The following UNC13A variants were observed in gnomAD, a reference collection of about 807,000 sequenced individuals.
UNC13A encodes unc-13 homolog A, also known as protein unc-13 homolog A.
In UNC13A, 61 loss-of-function variants were observed where a neutral mutation model predicts 219.7. That is an observed-to-expected ratio of 0.28 (90% CI 0.23 to 0.34). The LOEUF is 0.34. Among genes scored for constraint, UNC13A ranks in the 10% least tolerant of loss-of-function variants. The probability of loss-of-function intolerance (pLI) is 1.00; values close to 1 mark genes in which losing one functional copy is unlikely to be tolerated. For missense variants in UNC13A, 1,476 were observed against 2,270.3 expected, an observed-to-expected ratio of 0.65 and a Z score of 7.11; for synonymous variants, 920 against 884.6, an observed-to-expected ratio of 1.04 and a Z score of -0.71.
chr19:17,639,229 G>C lies in UNC13A; in HGVS notation c.2947-12C>G, dbSNP rs1555779897. The C allele has an allele frequency of 1.9e-6, 3 of 1,613,784 alleles. No homozygotes were observed. Among genetic ancestry groups the C allele is most frequent in the Non-Finnish European group, 2.5e-6 (3 of 1,179,810 alleles). ...TGGAGTTCTTGTACCTGAAGGGAGG[G>C]AGAGAGGCATAGGCGGCCACAGCTG... On this transcript the variant is annotated splice_polypyrimidine_tract_variant and intron_variant, in intron 24 of 43. Coordinates refer to ENST00000519716, the MANE Select transcript of UNC13A (RefSeq NM_001080421.3).
intron 28 of UNC13A, 62 bp from the exon 29 acceptor site, chr19:17,630,812 C>A: frequency 6.7e-7 from 1 of 1,487,728 alleles, no homozygotes; most frequent in Non-Finnish European, 9.3e-7. Context: ...TCTGCGCCGC[C>A]TGGTTCTGAC....
chr19:17,620,556 CAAAG>C (rs1305306964), intron 38 of UNC13A, 133 bp downstream of exon 38: 1 of 659,210 alleles, frequency 1.5e-6, no homozygotes, highest in Non-Finnish European at 2.5e-6. Flanking sequence ...GCCAGACAGA[CAAAG>C]GAAGAAGAGA....
chr19:17,669,804 TTTCCTTCCGTCC>T, intron 4 of UNC13A, 128 bp from the exon 5 acceptor site: 1 of 1,100,730 alleles, frequency 9.1e-7, no homozygotes, highest in South Asian at 2.0e-5. Flanking sequence ...CCTCTCTATC[TTTCCTTCCGTCC>T]TTCCTTCCTT....
rs1201960917 is a variant in UNC13A at position 17,658,289 on chromosome 19, T to C, written c.560-20A>G. 1.3e-6 allele frequency: 2 copies of C among 1,584,666 alleles called. No individual in the cohort carries two copies. The highest frequency in any genetic ancestry group is 1.3e-5 in the African/African-American group (1 of 74,352). On this transcript the variant is annotated intron_variant, in intron 8 of 43. Coordinates refer to ENST00000519716, the MANE Select transcript of UNC13A (RefSeq NM_001080421.3). ...CATCGTCTGGAAGAGAGAGGCGGTA[T>C]GGGAAGAGGGTGAGGAAGAGAGAGT...
chr19:17,612,199 G>C (rs1028997917), intron 41 of UNC13A: 3 of 194,056 alleles, frequency 1.5e-5, no homozygotes, highest in African/African-American at 6.9e-5. Flanking sequence ...GGCCTCCTGT[G>C]GCTGTTTGTC....
chr19:17,608,719 T>G (rs542092015), intron 43 of UNC13A, among the ~76,000 whole-genome samples: 76 of 151,526 alleles, frequency 5.0e-4, no homozygotes, highest in Non-Finnish European at 7.8e-4. Flanking sequence ...GGTTTCACCG[T>G]GTTAGCCAGG....
chr19:17,634,263 T>G (rs1599357414), intron 26 of UNC13A, among the ~76,000 whole-genome samples: 1 of 152,108 alleles, frequency 6.6e-6, no homozygotes, highest in East Asian at 1.9e-4. Flanking sequence ...CATCCATCCC[T>G]CTATCCATTT....
intron 1 of UNC13A, among the ~76,000 whole-genome samples, chr19:17,680,874 T>TTTTC (rs1231434670): frequency 7.7e-4 from 102 of 133,160 alleles, no homozygotes; most frequent in Non-Finnish European, 1.3e-3. Context: ...TTCTTCTTTT[T>TTTTC]TTTTCTTTTC....
chr19:17,626,586 T>C (rs754847225), intron 34 of UNC13A, 47 bp downstream of exon 34: 1 of 1,494,676 alleles, frequency 6.7e-7, no homozygotes, highest in Non-Finnish European at 8.9e-7. Context: ...TCTATGGCCC[T>C]GCCCCAGCCC....
intron 3 of UNC13A, among the ~76,000 whole-genome samples, chr19:17,673,947 GT>G (rs1323762954): frequency 6.6e-6 from 1 of 152,124 alleles, no homozygotes; most frequent in Non-Finnish European, 1.5e-5. Flanking sequence ...GGAGGTGGAG[GT>G]TGAAGTGAGC....
intron 1 of UNC13A, among the ~76,000 whole-genome samples, chr19:17,680,889 CTTTTTTTTT>C (rs375785182): frequency 1.3e-3 from 61 of 48,698 alleles, no homozygotes; most frequent in Admixed American, 1.1e-3. Context: ...CTTTTCTTTT[CTTTTTTTTT>C]TTTTTTTTTT....
rs2076521516 is a variant in UNC13A, at chr19:17,606,018, C to T, written c.*36G>A. The T allele has an allele frequency of 2.1e-6, 3 of 1,403,404 alleles. No homozygotes were observed. Among genetic ancestry groups the T allele is most frequent in the African/African-American group, 1.5e-5 (1 of 65,722 alleles). The allele number at this position is 1,403,404 out of a possible 1,614,324, so 86.9% of individuals were successfully genotyped here. On this transcript the variant is annotated 3_prime_UTR_variant, in exon 44 of 44. Transcript: ENST00000519716. ...CCGTCCCTCCCCGCCCAGCGCCCTC[C>T]GCGCAGGCGCAGTGCCGCTCGGCCG...
In UNC13A at chr19:17,641,494, C is replaced by T. The variant is rs1268756523; in HGVS notation, c.2535G>A (p.Lys845=). Residue 845 remains lysine (K), a synonymous_variant, in exon 21 of 44, where the codon AAG becomes AAA. Transcript: ENST00000519716. ...NNGVVKIPDA[K]GDDAWKVYYD... ...AGTAAACCTTCCAGGCATCGTCACC[C>T]TTGGCATCTGGGATCTTCACGACCC... 6.2e-7 allele frequency: 1 copy of T among 1,614,038 alleles called. No homozygotes were observed. Among genetic ancestry groups the T allele is most frequent in the African/African-American group, 1.3e-5 (1 of 74,930 alleles).
Position 17,639,176 on chromosome 19 carries a change from T to A in UNC13A, c.2988A>T (p.Val996=), listed in dbSNP as rs2076941648. Residue 996 remains valine (V), a synonymous_variant, in exon 25 of 44, where the codon GTA becomes GTT. Transcript: ENST00000519716. ...TAAGGCAGGCTTTCACACAGTCCTT[T>A]ACCACCTGGCTGGCTCGGGGCGGGC... is the stretch of plus-strand genomic sequence containing the variant. ...LQSPPRASQV[V]KDCVKACLNS... is the part of the protein sequence containing the mutation. 5 of 1,613,924 alleles carry A rather than the reference T, an allele frequency of 3.1e-6. No homozygotes were observed. The Admixed American group carries it at 6.7e-5, about 22-fold the overall frequency.
At chr19:17,628,032 G>C (rs1599348136) in intron 31 of UNC13A, 92 bp from the exon 32 acceptor site, 1 of 1,293,676 alleles carries the variant, frequency 7.7e-7, no homozygotes. Flanking sequence ...ATGGTTTCAG[G>C]GTCTGGGTCT....
At chr19:17,679,066 C>T (rs1042447747) in intron 1 of UNC13A, among the ~76,000 whole-genome samples, 5 of 151,956 alleles carry the variant, frequency 3.3e-5, no homozygotes. Flanking sequence ...CAAGACCAGC[C>T]TGGGCAATGT....
intron 39 of UNC13A, among the ~76,000 whole-genome samples, 158 bp from the exon 40 acceptor site, chr19:17,618,659 C>G (rs986120366): frequency 6.6e-6 from 1 of 152,140 alleles, no homozygotes; most frequent in South Asian, 2.1e-4. Flanking sequence ...ACAGCAGGTG[C>G]TCAAAAAATA....
intron 12 of UNC13A, among the ~76,000 whole-genome samples, chr19:17,651,696 C>T (rs1390969512): frequency 6.6e-6 from 1 of 152,116 alleles, no homozygotes; most frequent in African/African-American, 2.4e-5. Flanking sequence ...AGGTTTCTCC[C>T]GAGAGCACAT....
intron 3 of UNC13A, among the ~76,000 whole-genome samples, chr19:17,673,033 A>G (rs2145909643): frequency 6.6e-6 from 1 of 152,330 alleles, no homozygotes; most frequent in Non-Finnish European, 1.5e-5. Flanking sequence ...CTGAATTTAC[A>G]GTTTACCAAA....
Sources: allele counts gnomAD v4.1 joint callset (sites outside exome capture counted in the v4.1 genomes callset), GRCh38; gene constraint gnomAD v4.1.1; transcripts MANE v1.5; gene names NCBI Gene and HGNC (gene_info 2026-07-23, HGNC 2026-07-21).